CHN1: variants seen among roughly 807,000 people sequenced by gnomAD.
CHN1 encodes N-chimaerin.
CHN1 carries 37 observed loss-of-function variants against 59.5 expected under a neutral mutation model. That is an observed-to-expected ratio of 0.62 (90% CI 0.48 to 0.82). The LOEUF (loss-of-function observed/expected upper bound fraction) is 0.82. Among genes scored for constraint, CHN1 ranks in the 40% least tolerant of loss-of-function variants. The probability of loss-of-function intolerance (pLI) is 0.00; values close to 1 mark genes in which losing one functional copy is unlikely to be tolerated. For missense variants in CHN1, 469 were observed against 571.0 expected, an observed-to-expected ratio of 0.82 and a Z score of 1.82; for synonymous variants, 206 against 200.4, an observed-to-expected ratio of 1.03 and a Z score of -0.24.
intron 1 of CHN1, among the ~76,000 whole-genome samples, chr2:174,993,791 G>A (rs536163471): frequency 6.6e-6 from 1 of 152,136 alleles, no homozygotes; most frequent in South Asian, 2.1e-4. Flanking sequence ...TTTGTAAATT[G>A]CCTCAAATTC....
At chr2:174,838,364 AT>A (rs1311117443) in intron 7 of CHN1, among the ~76,000 whole-genome samples, 3 of 152,094 alleles carry the variant, frequency 2.0e-5, no homozygotes, top group African/African-American at 7.2e-5. Flanking sequence ...AAGTGCTGGG[AT>A]TACAGGAATG....
At chr2:174,955,230 T>C (rs114281006) in intron 1 of CHN1, among the ~76,000 whole-genome samples, 1,635 of 146,732 alleles carry the variant, frequency 0.011, 24 homozygotes, top group African/African-American at 0.038. Flanking sequence ...TATATAGATA[T>C]AGATATATAG....
chr2:174,872,982 G>A (rs1687457513), intron 6 of CHN1, among the ~76,000 whole-genome samples: 1 of 151,104 alleles, frequency 6.6e-6, no homozygotes, highest in South Asian at 2.1e-4. Context: ...ACTTAAGGAG[G>A]TTAAGGACTT....
At chr2:174,943,965 T>C (rs1689750049) in intron 3 of CHN1, among the ~76,000 whole-genome samples, 1 of 152,178 alleles carries the variant, frequency 6.6e-6, no homozygotes, top group African/African-American at 2.4e-5. Context: ...CCAGACTATA[T>C]ATTTTTTATT....
At chr2:174,935,686 G>C (rs907857081) in intron 3 of CHN1, among the ~76,000 whole-genome samples, 4 of 152,164 alleles carry the variant, frequency 2.6e-5, no homozygotes, top group African/African-American at 9.7e-5. Context: ...AGCACTTTGG[G>C]AGGCTGAGGC....
rs761808791 is a variant in CHN1 at position 174,918,528 on chromosome 2, A to C, written c.146+6T>G. 6.3e-7 allele frequency: 1 copy of C among 1,584,286 alleles called. No individual in the cohort carries two copies. Among genetic ancestry groups the C allele is most frequent in the Non-Finnish European group, 8.6e-7 (1 of 1,163,482 alleles). On this transcript the variant is annotated splice_donor_region_variant and intron_variant, in intron 4 of 12. Coordinates refer to ENST00000409900, the MANE Select transcript of CHN1 (RefSeq NM_001822.7). ...TATAAAACGTTTTCTAATAATCCAT[A>C]CTTACTCTCTTCCATAATACTTTGG... is the stretch of plus-strand genomic sequence containing the variant.
intron 6 of CHN1, among the ~76,000 whole-genome samples, chr2:174,856,140 T>C (rs934743822): frequency 6.6e-6 from 1 of 152,192 alleles, no homozygotes; most frequent in Non-Finnish European, 1.5e-5. Context: ...TTTTCAAATG[T>C]ATTTTAAGTC....
At chr2:174,876,659 A>G (rs41528749) in intron 6 of CHN1, among the ~76,000 whole-genome samples, 49,659 of 152,114 alleles carry the variant, frequency 0.33, 9,435 homozygotes, top group Admixed American at 0.46. Flanking sequence ...AAGATCTGCC[A>G]AAAACTAAAA....
At chr2:174,991,111 A>C (rs1385671271) in intron 1 of CHN1, among the ~76,000 whole-genome samples, 2 of 152,196 alleles carry the variant, frequency 1.3e-5, no homozygotes, top group Non-Finnish European at 2.9e-5. Flanking sequence ...TCTACTACTT[A>C]GTGACATCTA....
chr2:175,001,190 G>A (rs968737232), intron 1 of CHN1, among the ~76,000 whole-genome samples: 2 of 152,216 alleles, frequency 1.3e-5, no homozygotes, highest in Non-Finnish European at 2.9e-5. Flanking sequence ...GAAAAAGGCA[G>A]ATGAGCTCAC....
Position 174,957,449 on chromosome 2 carries a change from G to T in CHN1, c.20-5247C>A, listed in dbSNP as rs544853578. On this transcript the variant is annotated intron_variant, in intron 1 of 12. Coordinates refer to ENST00000409900, the MANE Select transcript of CHN1 (RefSeq NM_001822.7). ...GCCTCTGCTAGGGTGTGTGTGTTGGGGGGGGGGGCAGTTAATTATATTGAA... is the reference window on the plus strand; with the variant it reads ...GCCTCTGCTAGGGTGTGTGTGTTGGTGGGGGGGGCAGTTAATTATATTGAA... Among the ~76,000 whole-genome samples the T allele has an allele frequency of 1.4e-5, 2 of 143,032 alleles. 1 individual carries two copies. 93.8% of individuals were successfully genotyped at this position (143,032 alleles called of 152,430 possible).
At chr2:174,913,206 A>G in intron 5 of CHN1, among the ~76,000 whole-genome samples, 1 of 152,208 alleles carries the variant, frequency 6.6e-6, no homozygotes, top group East Asian at 1.9e-4. Flanking sequence ...ACTGAGTTCA[A>G]ATTAAAGTTT....
At chr2:174,870,520 A>C (rs76536520) in intron 6 of CHN1, among the ~76,000 whole-genome samples, 1 of 152,258 alleles carries the variant, frequency 6.6e-6, no homozygotes, top group Non-Finnish European at 1.5e-5. Context: ...AGCAAAACGC[A>C]TAAGATGAAA....
intron 5 of CHN1, among the ~76,000 whole-genome samples, chr2:174,902,261 T>C (rs1255897758): frequency 6.6e-6 from 1 of 152,210 alleles, no homozygotes; most frequent in Non-Finnish European, 1.5e-5. Flanking sequence ...TTTTTTCAAG[T>C]AAGGGATGCC....
intron 3 of CHN1, among the ~76,000 whole-genome samples, chr2:174,922,624 G>A (rs1689046513): frequency 1.3e-5 from 2 of 152,160 alleles, no homozygotes; most frequent in African/African-American, 4.8e-5. Flanking sequence ...CCAGGAGGTT[G>A]AGGCTGCAGT....
chr2:174,983,528 TA>T lies in CHN1; in HGVS notation c.19+21365del, dbSNP rs911097418. On this transcript the variant is annotated intron_variant, in intron 1 of 12. Coordinates refer to ENST00000409900, the MANE Select transcript of CHN1 (RefSeq NM_001822.7). ...CAAACTTCAGAACTCATACATTCAT[TA>T]AAAAAAAATAAGCTAGACGGCCGGG... Among the ~76,000 whole-genome samples, 3 of 150,412 alleles carry T rather than the reference TA, an allele frequency of 2.0e-5. 1 individual carries two copies. Among genetic ancestry groups the T allele is most frequent in the African/African-American group, 7.3e-5 (3 of 41,094 alleles).
chr2:174,992,201 G>C (rs890792629), intron 1 of CHN1, among the ~76,000 whole-genome samples: 1 of 152,228 alleles, frequency 6.6e-6, no homozygotes, highest in African/African-American at 2.4e-5. Flanking sequence ...CAAAGAAAGA[G>C]AGGATGGAAG....
chr2:174,955,141 T>G (rs939555973), intron 1 of CHN1, among the ~76,000 whole-genome samples: 18 of 138,936 alleles, frequency 1.3e-4, no homozygotes, highest in Admixed American at 2.2e-4. Flanking sequence ...TAGATCTATA[T>G]ATCTCTATAT....
intron 8 of CHN1, chr2:174,821,764 T>C: frequency 2.2e-6 from 1 of 458,616 alleles, no homozygotes; most frequent in Non-Finnish European, 4.5e-6. Context: ...GATCTTGGAC[T>C]TCCTGGCCTC....
Sources: gnomAD v4.1 joint callset for allele counts (sites outside exome capture counted in the v4.1 genomes callset) on GRCh38, gnomAD v4.1.1 for gene constraint, MANE v1.5 for transcripts, NCBI Gene and HGNC (gene_info 2026-07-23, HGNC 2026-07-21) for gene names.